The following CCSER1 variants were observed in gnomAD, a reference collection of about 807,000 sequenced individuals.
CCSER1 encodes the protein coiled-coil serine rich protein 1.
A neutral mutation model predicts 82.0 loss-of-function variants in CCSER1; 41 were observed. The observed-to-expected ratio is 0.50, with a 90% CI of 0.39 to 0.65. The LOEUF is 0.65. Among genes scored for constraint, CCSER1 ranks in the 30% least tolerant of loss-of-function variants. CCSER1 has a pLI of 0.00. For synonymous variants in CCSER1, 414 were observed against 383.9 expected (o/e 1.08, Z -0.92); for missense variants, 1,119 against 1,064.2 (o/e 1.05, Z -0.72).
At chr4:91,562,735 A>G (rs1762712618) in intron 10 of CCSER1, among the ~76,000 whole-genome samples, 1 of 151,654 alleles carries the variant, frequency 6.6e-6, no homozygotes, top group Admixed American at 6.6e-5. Flanking sequence ...AGCTAATAAT[A>G]AAATTATTTT....
intron 10 of CCSER1, among the ~76,000 whole-genome samples, chr4:91,377,287 AT>A (rs1750496834): frequency 6.6e-6 from 1 of 152,156 alleles, no homozygotes; most frequent in African/African-American, 2.4e-5. Flanking sequence ...GCTGGGTCAA[AT>A]GGTATTTCTA....
chr4:91,073,906 T>A (rs1393033116), intron 9 of CCSER1, among the ~76,000 whole-genome samples: 2 of 152,064 alleles, frequency 1.3e-5, no homozygotes, highest in African/African-American at 2.4e-5. Flanking sequence ...CTCCTCCCGA[T>A]AATCATCAAT....
chr4:91,060,502 TTA>T (rs147505411), intron 9 of CCSER1, among the ~76,000 whole-genome samples: 2,192 of 152,148 alleles, frequency 0.014, 56 homozygotes, highest in African/African-American at 0.05. Context: ...GACATTAGAA[TTA>T]TGTGTCCACT....
intron 10 of CCSER1, among the ~76,000 whole-genome samples, chr4:91,107,848 G>T (rs921483720): frequency 1.3e-5 from 2 of 152,040 alleles, no homozygotes; most frequent in Non-Finnish European, 2.9e-5. Context: ...GGCAGTGCTG[G>T]GCTACCATTT....
At chr4:91,285,817 C>T (rs556225162) in intron 10 of CCSER1, among the ~76,000 whole-genome samples, 1 of 151,840 alleles carries the variant, frequency 6.6e-6, no homozygotes, top group East Asian at 1.9e-4. Flanking sequence ...AATTGTGGTG[C>T]TTATCAAAGT....
At chr4:91,280,192 G>T (rs1742808946) in intron 10 of CCSER1, among the ~76,000 whole-genome samples, 1 of 152,224 alleles carries the variant, frequency 6.6e-6, no homozygotes, top group Non-Finnish European at 1.5e-5. Flanking sequence ...TGGCACCAGT[G>T]TTAGTGGGTT....
rs1296914323 is a variant in CCSER1 at position 91,204,247 on chromosome 4, A to G, written c.2217+118253A>G. 2.6e-5 allele frequency among the ~76,000 whole-genome samples: 4 copies of G among 151,916 alleles called. No homozygotes were observed. The South Asian group carries it at 8.3e-4, about 31-fold the overall frequency. On this transcript the variant is annotated intron_variant, in intron 10 of 10. Transcript: ENST00000509176. ...CTACAATAACAATAGAAGGCTGTAC[A>G]GGGCACAATGTAGACACAAATGTGG... is the stretch of plus-strand genomic sequence containing the variant.
Position 91,474,822 on chromosome 4 carries a change from C to T in CCSER1, c.2218-123750C>T, listed in dbSNP as rs1196416849. Among the ~76,000 whole-genome samples, 656 of 146,974 alleles carry T rather than the reference C, an allele frequency of 4.5e-3. 5 individuals are homozygous for T. The highest frequency in any genetic ancestry group is 0.018 in the Middle Eastern group (5 of 280). Reference sequence around the variant, plus strand: ...ATATATATATATATATACACACACACACACACACACACACACATTGCCTTC... The same window carrying T: ...ATATATATATATATATACACACACATACACACACACACACACATTGCCTTC... On this transcript the variant is annotated intron_variant, in intron 10 of 10. Transcript: ENST00000509176.
At chr4:90,489,279 T>A (rs1343277835) in intron 5 of CCSER1, among the ~76,000 whole-genome samples, 1 of 152,166 alleles carries the variant, frequency 6.6e-6, no homozygotes, top group Non-Finnish European at 1.5e-5. Context: ...ACCTCAAGTA[T>A]TAAAAATGAA....
At chr4:91,169,385 C>T (rs1422281424) in intron 10 of CCSER1, among the ~76,000 whole-genome samples, 1 of 152,062 alleles carries the variant, frequency 6.6e-6, no homozygotes, top group Non-Finnish European at 1.5e-5. Flanking sequence ...CTTTGGGAGG[C>T]CGAGGCGGGT....
At chr4:91,568,992 T>G (rs1763033025) in intron 10 of CCSER1, among the ~76,000 whole-genome samples, 1 of 152,176 alleles carries the variant, frequency 6.6e-6, no homozygotes, top group Non-Finnish European at 1.5e-5. Flanking sequence ...TTAACTGCAG[T>G]GTGGATTGAG....
intron 1 of CCSER1, among the ~76,000 whole-genome samples, chr4:90,137,587 CA>C (rs1723926375): frequency 6.6e-6 from 1 of 152,096 alleles, no homozygotes. Flanking sequence ...AGGCCTGGTT[CA>C]GGAAATAAAT....
chr4:90,483,285 C>G (rs113204158), intron 5 of CCSER1, among the ~76,000 whole-genome samples: 18,393 of 152,108 alleles, frequency 0.12, 1,606 homozygotes, highest in East Asian at 0.37. Flanking sequence ...TGAGATGGGT[C>G]TCCTGAATAC....
intron 5 of CCSER1, among the ~76,000 whole-genome samples, chr4:90,616,351 T>A (rs1721195700): frequency 6.6e-6 from 1 of 152,086 alleles, no homozygotes; most frequent in Non-Finnish European, 1.5e-5. Flanking sequence ...TTCCAGTATG[T>A]TACACTCTTC....
chr4:91,157,988 T>C (rs559766334), intron 10 of CCSER1, among the ~76,000 whole-genome samples: 1 of 152,146 alleles, frequency 6.6e-6, no homozygotes, highest in East Asian at 1.9e-4. Context: ...TTGAAAGCAG[T>C]ATATTCTACT....
chr4:91,044,791 A>C (rs1161396147), intron 9 of CCSER1, among the ~76,000 whole-genome samples: 2 of 152,196 alleles, frequency 1.3e-5, no homozygotes, highest in Non-Finnish European at 2.9e-5. Flanking sequence ...AAAGCACCTG[A>C]GACATAATAA....
At chr4:91,060,247 C>G (rs1743842468) in intron 9 of CCSER1, among the ~76,000 whole-genome samples, 1 of 151,926 alleles carries the variant, frequency 6.6e-6, no homozygotes, top group African/African-American at 2.4e-5. Context: ...TTGAAAAGCA[C>G]TAGACATTAT....
At chr4:90,957,253 C>CCG (rs58828538) in intron 9 of CCSER1, among the ~76,000 whole-genome samples, 3 of 146,240 alleles carry the variant, frequency 2.1e-5, no homozygotes, top group Admixed American at 6.9e-5. Context: ...AGGCCCCCCC[C>CCG]ACCACGTCCA....
At chr4:91,101,314 C>T (rs1163882159) in intron 10 of CCSER1, among the ~76,000 whole-genome samples, 2 of 152,184 alleles carry the variant, frequency 1.3e-5, no homozygotes, top group Non-Finnish European at 2.9e-5. Context: ...AGGATTATGC[C>T]AGTTGGAGAC....
Sources: allele counts gnomAD v4.1 joint callset (sites outside exome capture counted in the v4.1 genomes callset), GRCh38; gene constraint gnomAD v4.1.1; transcripts MANE v1.5; gene names NCBI Gene and HGNC (gene_info 2026-07-23, HGNC 2026-07-21).